The following FOXM1 variants were observed in gnomAD, a reference collection of about 807,000 sequenced individuals.
FOXM1 encodes forkhead box M1.
In FOXM1, 25 loss-of-function variants were observed where a neutral mutation model predicts 63.6. The ratio of observed to expected loss-of-function variants is 0.39; its 90% CI spans 0.29 to 0.55. The LOEUF is 0.55. Among genes scored for constraint, FOXM1 ranks in the 20% least tolerant of loss-of-function variants. The probability of loss-of-function intolerance (pLI) is 0.60; values close to 1 mark genes in which losing one functional copy is unlikely to be tolerated. For synonymous variants in FOXM1, 387 were observed against 376.9 expected (o/e 1.03, Z -0.31); for missense variants, 879 against 958.7 (o/e 0.92, Z 1.10).
In FOXM1 at chr12:2,872,966, A is replaced by T. The variant is rs1410591198; in HGVS notation, c.503-719T>A. ...CTACTTGGGAGGCTGATGTGGGAGA[A>T]TGGCTTGAGTCCAGGCATTCGAGGC... On this transcript the variant is annotated intron_variant, in intron 2 of 8. Transcript: ENST00000359843. The surrounding 1 kb of genome is among the most constrained non-coding windows in gnomAD (Gnocchi z 4.0). Among the ~76,000 whole-genome samples, 1 of 152,184 alleles carries T rather than the reference A, an allele frequency of 6.6e-6. No homozygotes were observed. The highest frequency in any genetic ancestry group is 1.5e-5 in the Non-Finnish European group (1 of 68,038).
chr12:2,866,641 G>T, intron 4 of FOXM1, 120 bp from the exon 5 acceptor site: 1 of 1,091,882 alleles, frequency 9.2e-7, no homozygotes, highest in Non-Finnish European at 1.2e-6. Context: ...GGCTTCGTCT[G>T]GTGTCTTTGC....
intron 1 of FOXM1, chr12:2,876,477 C>CTACA (rs2098143830): frequency 6.6e-6 from 1 of 152,178 alleles, no homozygotes; most frequent in Non-Finnish European, 1.5e-5. Context: ...GGAAATCTTG[C>CTACA]TACATTCTCA....
At chr12:2,862,188 A>G (rs1603499894) in intron 8 of FOXM1, among the ~76,000 whole-genome samples, 1 of 152,042 alleles carries the variant, frequency 6.6e-6, no homozygotes, top group East Asian at 1.9e-4. Context: ...CAGGAAAAAA[A>G]AAAAAAAAAA....
chr12:2,872,005 T>C lies in FOXM1; in HGVS notation c.654+91A>G. On this transcript the variant is annotated intron_variant, in intron 3 of 8. Coordinates refer to ENST00000359843, the MANE Select transcript of FOXM1 (RefSeq NM_021953.4). This position sits in a 1 kb window ranked among gnomAD's most constrained non-coding sequence, Gnocchi z 4.0. ...GAGAGCTAATACCAGAACTTGGAAA[T>C]TCTGGTCCATCAGGCCACTTGATCC... is the stretch of plus-strand genomic sequence containing the variant. 1 of 1,359,844 alleles carries C rather than the reference T, an allele frequency of 7.4e-7. No individual in the cohort carries two copies. The allele number at this position is 1,359,844 out of a possible 1,614,324, so 84.2% of individuals were successfully genotyped here. A position where few individuals can be genotyped will look rare whatever the true frequency, so the allele number is the denominator to read the frequency against.
At position 2,874,499 on chromosome 12, in the gene FOXM1, C is replaced by T. The variant is rs2098138699; in HGVS notation, c.-21G>A. 1 of 1,585,686 alleles carries T rather than the reference C, an allele frequency of 6.3e-7. No homozygotes were observed. On this transcript the variant is annotated 5_prime_UTR_variant, in exon 2 of 9. Coordinates refer to ENST00000359843, the MANE Select transcript of FOXM1 (RefSeq NM_021953.4). The surrounding 1 kb of genome is among the most constrained non-coding windows in gnomAD (Gnocchi z 4.3). ...TTCATTATGAATCTGCGTTTTCACTCTCCATTGAGAATCACAAGTGTGGAC... is the reference window on the plus strand; with the variant it reads ...TTCATTATGAATCTGCGTTTTCACTTTCCATTGAGAATCACAAGTGTGGAC...
At position 2,858,542 on chromosome 12, in the gene FOXM1, C is replaced by T; in HGVS notation, c.*96G>A. On this transcript the variant is annotated 3_prime_UTR_variant, in exon 9 of 9. Transcript: ENST00000359843. ...AGGGAGCTATGAGGAGCAGAACAGT[C>T]CCTGCCTGCTGTCCTCACTCAGAGG... 1 of 1,078,894 alleles carries T rather than the reference C, an allele frequency of 9.3e-7. No homozygotes were observed. Among genetic ancestry groups the T allele is most frequent in the Admixed American group, 2.4e-5 (1 of 42,066 alleles). The allele number at this position is 1,078,894 out of a possible 1,614,324, so 66.8% of individuals were successfully genotyped here. A position where few individuals can be genotyped will look rare whatever the true frequency, so the allele number is the denominator to read the frequency against.
At position 2,865,394 on chromosome 12, in the gene FOXM1, C is replaced by T; in HGVS notation, c.981G>A (p.Leu327=). The T allele has an allele frequency of 6.2e-7, 1 of 1,610,224 alleles. No homozygotes were observed. Among genetic ancestry groups the T allele is most frequent in the Non-Finnish European group, 8.5e-7 (1 of 1,177,970 alleles). Reference sequence around the variant, plus strand: ...CGGGCAATTGTGGAGACCCTGGGTCCAGTGGCTGGTGGCGGCCAGGCATTG... The same window carrying T: ...CGGGCAATTGTGGAGACCCTGGGTCTAGTGGCTGGTGGCGGCCAGGCATTG... The part of the protein sequence containing the change: ...YLTLDQVFKP[L]DPGSPQLPEH... Residue 327 remains leucine (L), a synonymous_variant, in exon 6 of 9, where the codon CTG becomes CTA. Transcript: ENST00000359843.
rs1429701599 is a variant in FOXM1, at chr12:2,874,293, G to A, written c.186C>T (p.Ile62=). Residue 62 remains isoleucine (I), a synonymous_variant, in exon 2 of 9, where the codon ATC becomes ATT. Coordinates refer to ENST00000359843, the MANE Select transcript of FOXM1 (RefSeq NM_021953.4). The surrounding 1 kb of genome is among the most constrained non-coding windows in gnomAD (Gnocchi z 4.3). ...GCATGGTGGGGTGGTTAATAATCTT[G>A]ATCCCAGCTGGAAACTTGCAAGAGT... ...ESNSCKFPAG[I]KIINHPTMPN... The A allele has an allele frequency of 6.2e-7, 1 of 1,614,010 alleles. No homozygotes were observed. Among genetic ancestry groups the A allele is most frequent in the Non-Finnish European group, 8.5e-7 (1 of 1,180,046 alleles).
chr12:2,860,864 C>CAAAAAA (rs57306758), intron 8 of FOXM1, among the ~76,000 whole-genome samples: 2 of 110,436 alleles, frequency 1.8e-5, no homozygotes, highest in African/African-American at 6.6e-5. Flanking sequence ...GACTCCATCT[C>CAAAAAA]AAAAAAAAAA....
At chr12:2,859,823 G>A (rs1404773251) in intron 8 of FOXM1, 160 bp from the exon 9 acceptor site, 2 of 608,210 alleles carry the variant, frequency 3.3e-6, no homozygotes, top group South Asian at 2.1e-5. Flanking sequence ...CAATTCTGGG[G>A]GTAAAAGATG....
chr12:2,859,041 G>A lies in FOXM1; in HGVS notation c.1889C>T (p.Ala630Val), dbSNP rs2098101107. ...TPESWRLTPP[A>V]KVGGLDFSPV... ...GCTGAAATCCAGTCCCCCTACTTTG[G>A]CTGGGGGCGTGAGCCTCCAGGATTC... Residue 630 changes from alanine to valine, a missense_variant, in exon 9 of 9, where the codon GCC (alanine) becomes GTC (valine). Transcript: ENST00000359843. The A allele has an allele frequency of 6.2e-7, 1 of 1,609,676 alleles. No homozygotes were observed. Among genetic ancestry groups the A allele is most frequent in the Non-Finnish European group, 8.5e-7 (1 of 1,177,808 alleles).
chr12:2,871,358 C>T (rs1310667791), intron 3 of FOXM1, among the ~76,000 whole-genome samples: 1 of 151,994 alleles, frequency 6.6e-6, no homozygotes, highest in Admixed American at 6.6e-5. Flanking sequence ...ATTTAAAATT[C>T]GTATCTAGGC....
intron 8 of FOXM1, among the ~76,000 whole-genome samples, chr12:2,862,093 C>T (rs1386387796): frequency 2.0e-5 from 3 of 151,308 alleles, no homozygotes; most frequent in Admixed American, 6.6e-5. Context: ...GCAGGAGAAT[C>T]GCTTGAACCC....
rs2098098923 is a variant in FOXM1, at chr12:2,858,805, C to T, written c.2125G>A (p.Val709Ile). Residue 709 changes from valine to isoleucine, a missense_variant, in exon 9 of 9, where the codon GTT becomes ATT. By Grantham distance (29) the Val-to-Ile change is conservative (BLOSUM62 3). Around this residue, in one of 4 missense-constraint regions of FOXM1, gnomAD observed 486 missense variants for 453.5 expected, o/e 1.07. Transcript: ENST00000359843. The stretch of plus-strand genomic sequence containing the variant: ...GAACGATTGGCTGCAAGGCCAGAAA[C>T]CTGTGGCTCCGGGGAGCCTGGCTTG... ...VPKPGSPEPQ[V>I]SGLAANRSLT... 5.6e-6 allele frequency: 9 copies of T among 1,614,168 alleles called. No homozygotes were observed. Among genetic ancestry groups the T allele is most frequent in the Non-Finnish European group, 7.6e-6 (9 of 1,180,020 alleles).
At chr12:2,875,854 G>T (rs1030600136) in intron 1 of FOXM1, among the ~76,000 whole-genome samples, 2 of 150,018 alleles carry the variant, frequency 1.3e-5, no homozygotes, top group South Asian at 4.2e-4. Context: ...TCGGCCTCCC[G>T]GGTTCAAGCG....
rs1251477478 is a variant in FOXM1, at chr12:2,859,655, T to C, written c.1275A>G (p.Leu425=). 2 of 1,603,870 alleles carry C rather than the reference T, an allele frequency of 1.2e-6. No homozygotes were observed. The highest frequency in any genetic ancestry group is 3.4e-5 in the Admixed American group (2 of 59,412). The change falls in exon 9 of 9, where the codon CTA becomes CTG. Residue 425 remains leucine, a synonymous_variant. Transcript: ENST00000359843. ...AAAGAGGAGCTATCCCCTCCTCAGCTAGCAGCACCTGAAAGGGAAACAGAG... is the reference window on the plus strand; with the variant it reads ...AAAGAGGAGCTATCCCCTCCTCAGCCAGCAGCACCTGAAAGGGAAACAGAG... The part of the protein sequence containing the change: ...KRVRIAPKVL[L]AEEGIAPLSS...
At chr12:2,861,693 A>G (rs897816921) in intron 8 of FOXM1, among the ~76,000 whole-genome samples, 3 of 152,218 alleles carry the variant, frequency 2.0e-5, no homozygotes, top group Non-Finnish European at 4.4e-5. Flanking sequence ...AGTAAGAGAG[A>G]TCCTTGCAAA....
rs367827909 is a variant in FOXM1 at position 2,868,713 on chromosome 12, A to G, written c.696T>C (p.Ser232=). The G allele has an allele frequency of 1.1e-5, 18 of 1,613,950 alleles. No homozygotes were observed. In the South Asian group the frequency reaches 1.4e-4, roughly 13 times the overall value. ...AAGAGTAGGGTGGCCGCTCAGACAC[A>G]GAGTTCTGCCAGGACGCTGATGGTC... ...PSRPSASWQN[S]VSERPPYSYM... The change falls in exon 4 of 9, where the codon TCT becomes TCC. Residue 232 remains serine, a synonymous_variant. Coordinates refer to ENST00000359843, the MANE Select transcript of FOXM1 (RefSeq NM_021953.4).
rs778570959 is a variant in FOXM1, at chr12:2,858,720, T to C, written c.2210A>G (p.Asp737Gly). ...MNDSLSKILL[D>G]ISFPGLDEDP... ...CTCGTCCAGGCCAGGAAAGCTGATGTCCAGCAGGATCTTGCTGAGGCTGTC... is the reference window on the plus strand; with the variant it reads ...CTCGTCCAGGCCAGGAAAGCTGATGCCCAGCAGGATCTTGCTGAGGCTGTC... The change falls in exon 9 of 9, where the codon GAC (aspartate) becomes GGC (glycine). Residue 737 changes from aspartate (D) to glycine (G), a missense_variant. This residue lies in a region of FOXM1 where 486 missense variants were observed against 453.5 expected (regional missense o/e 1.07). Coordinates refer to ENST00000359843, the MANE Select transcript of FOXM1 (RefSeq NM_021953.4). 1 of 1,614,186 alleles carries C rather than the reference T, an allele frequency of 6.2e-7. No individual in the cohort carries two copies. Among genetic ancestry groups the C allele is most frequent in the East Asian group, 2.2e-5 (1 of 44,872 alleles).
Sources: gnomAD v4.1 joint callset for allele counts (sites outside exome capture counted in the v4.1 genomes callset) on GRCh38, gnomAD v4.1.1 for gene constraint, gnomAD v4.1.1 regional missense constraint, Gnocchi (gnomAD v3.1) non-coding constraint, MANE v1.5 for transcripts, NCBI Gene and HGNC (gene_info 2026-07-23, HGNC 2026-07-21) for gene names.